SMIM35: variants seen among roughly 807,000 people sequenced by gnomAD.
SMIM35 encodes the protein small integral membrane protein 35.
At chr11:118,077,149 C>A in intron 1 of SMIM35, 1 of 810,108 alleles carries the variant, frequency 1.2e-6, no homozygotes, top group Non-Finnish European at 1.9e-6. Flanking sequence ...GGGACCAAGG[C>A]CTGCCCTGCA....
At chr11:118,077,857 C>CA (rs1476830443) in intron 1 of SMIM35, among the ~76,000 whole-genome samples, 4 of 151,552 alleles carry the variant, frequency 2.6e-5, no homozygotes, top group Admixed American at 2.6e-4. Context: ...ACTAAAAATA[C>CA]AAAAAATTAG....
chr11:118,070,301 C>G (rs183540494), intron 1 of SMIM35, among the ~76,000 whole-genome samples: 22 of 152,250 alleles, frequency 1.4e-4, no homozygotes, highest in African/African-American at 5.3e-4. Flanking sequence ...CTCGGGCTCC[C>G]CAGTAACTGG....
rs1482872698 is a variant in SMIM35 at position 118,080,391 on chromosome 11, G to A, written c.7+6360C>T. Among the ~76,000 whole-genome samples, 6 of 152,160 alleles carry A rather than the reference G, an allele frequency of 3.9e-5. 1 individual carries two copies. The South Asian group carries it at 6.2e-4, about 16-fold the overall frequency. Reference sequence around the variant, plus strand: ...TCGCTGTGGCTGGAGCAAAGACTCCGGCACTCCAGGTCATGGGAGCTGCAC... The same window carrying A: ...TCGCTGTGGCTGGAGCAAAGACTCCAGCACTCCAGGTCATGGGAGCTGCAC... On this transcript the variant is annotated intron_variant, in intron 1 of 4. Coordinates refer to ENST00000689828, the MANE Select transcript of SMIM35 (RefSeq NM_001394165.1).
chr11:118,014,567 G>A (rs188002542), intron 3 of SMIM35, 141 bp downstream of exon 3: 58 of 396,424 alleles, frequency 1.5e-4, no homozygotes, highest in African/African-American at 1.0e-3. Flanking sequence ...ATGGATTCTC[G>A]TGCCCTTCTT....
intron 1 of SMIM35, among the ~76,000 whole-genome samples, chr11:118,065,837 C>T (rs1265171941): frequency 1.3e-5 from 2 of 152,248 alleles, no homozygotes; most frequent in South Asian, 2.1e-4. Context: ...TTGCTTTGTG[C>T]GTTTTGTCCA....
rs929092604 is a variant in SMIM35 at position 118,064,422 on chromosome 11, C to T, written c.7+22329G>A. Among the ~76,000 whole-genome samples, 3 of 152,168 alleles carry T rather than the reference C, an allele frequency of 2.0e-5. No homozygotes were observed. The East Asian group carries it at 5.8e-4, about 29-fold the overall frequency. On this transcript the variant is annotated intron_variant, in intron 1 of 4. Coordinates refer to ENST00000689828, the MANE Select transcript of SMIM35 (RefSeq NM_001394165.1). ...GGTTGGCGGTTCTGGGTGTCATCCT[C>T]AGAGTCATCACTAATACTAAAGGGT...
At chr11:118,011,046 C>T (rs971196465) in intron 4 of SMIM35, among the ~76,000 whole-genome samples, 7 of 152,212 alleles carry the variant, frequency 4.6e-5, no homozygotes, top group African/African-American at 1.7e-4. Context: ...AGGCCCAGGC[C>T]CCAAGGGTGA....
chr11:118,048,133 A>T (rs1314697266), intron 1 of SMIM35, among the ~76,000 whole-genome samples: 1 of 152,080 alleles, frequency 6.6e-6, no homozygotes, highest in African/African-American at 2.4e-5. Flanking sequence ...TTTTAAGAAG[A>T]GACTTAACTA....
At chr11:118,018,010 T>G (rs2058197645) in intron 1 of SMIM35, among the ~76,000 whole-genome samples, 1 of 152,086 alleles carries the variant, frequency 6.6e-6, no homozygotes, top group Admixed American at 6.6e-5. Context: ...GAGATCTGGG[T>G]GAAGACACAG....
chr11:118,015,437 G>A (rs1366482434), intron 2 of SMIM35, among the ~76,000 whole-genome samples: 1 of 152,164 alleles, frequency 6.6e-6, no homozygotes, highest in African/African-American at 2.4e-5. Flanking sequence ...ACGTCTATGG[G>A]CTCTGAGGGA....
chr11:118,061,474 C>G (rs533635644), intron 1 of SMIM35, among the ~76,000 whole-genome samples: 1 of 152,206 alleles, frequency 6.6e-6, no homozygotes, highest in South Asian at 2.1e-4. Context: ...GTGGCAGGTC[C>G]CCAGCTGGAG....
At chr11:118,011,063 C>G (rs574324213) in intron 4 of SMIM35, among the ~76,000 whole-genome samples, 1 of 152,358 alleles carries the variant, frequency 6.6e-6, no homozygotes, top group South Asian at 2.1e-4. Flanking sequence ...GTGAAGAAAG[C>G]TGTGCTCGCC....
intron 1 of SMIM35, among the ~76,000 whole-genome samples, chr11:118,040,919 A>C (rs1943989606): frequency 6.6e-6 from 1 of 151,830 alleles, no homozygotes; most frequent in South Asian, 2.1e-4. Flanking sequence ...ACATTAATAG[A>C]TGTGACATAT....
chr11:118,081,605 C>T (rs375084909), intron 1 of SMIM35, among the ~76,000 whole-genome samples: 8 of 152,348 alleles, frequency 5.3e-5, no homozygotes, highest in Middle Eastern at 3.4e-3. Context: ...TCCAGGCGTG[C>T]GCACCTGTCC....
At chr11:118,065,522 T>C (rs543850464) in intron 1 of SMIM35, among the ~76,000 whole-genome samples, 1 of 152,334 alleles carries the variant, frequency 6.6e-6, no homozygotes, top group African/African-American at 2.4e-5. Flanking sequence ...AGTATAACTT[T>C]GTAACTTCAC....
intron 1 of SMIM35, among the ~76,000 whole-genome samples, chr11:118,016,242 G>A (rs565554342): frequency 6.6e-6 from 1 of 152,138 alleles, no homozygotes; most frequent in Admixed American, 6.5e-5. Context: ...GCACCCAGTG[G>A]CAGCAGGGTG....
chr11:118,053,673 G>T (rs972364531), intron 1 of SMIM35, among the ~76,000 whole-genome samples: 10 of 152,160 alleles, frequency 6.6e-5, no homozygotes, highest in Admixed American at 5.9e-4. Flanking sequence ...ATTCCCTAAA[G>T]CAATGTGTTT....
intron 1 of SMIM35, among the ~76,000 whole-genome samples, chr11:118,083,568 G>A (rs1191733980): frequency 6.6e-6 from 1 of 151,978 alleles, no homozygotes; most frequent in African/African-American, 2.4e-5. Flanking sequence ...TTGACTATGA[G>A]TATCTACTAT....
At chr11:118,033,663 G>C (rs913279512) in intron 1 of SMIM35, among the ~76,000 whole-genome samples, 1 of 152,144 alleles carries the variant, frequency 6.6e-6, no homozygotes, top group African/African-American at 2.4e-5. Context: ...CGAAAGAAAA[G>C]TGCCTCCCTC....
Sources: gnomAD v4.1 joint callset for allele counts (sites outside exome capture counted in the v4.1 genomes callset) on GRCh38, gnomAD v4.1.1 for gene constraint, MANE v1.5 for transcripts, NCBI Gene and HGNC (gene_info 2026-07-23, HGNC 2026-07-21) for gene names.